The following OCLN variants were observed in gnomAD, a reference collection of about 807,000 sequenced individuals.
OCLN encodes the protein occludin, also known as phosphatase 1, regulatory subunit 115.
In OCLN, 21 loss-of-function variants were observed where a neutral mutation model predicts 47.9. The observed-to-expected ratio is 0.44, with a 90% CI of 0.31 to 0.63. OCLN has a LOEUF of 0.63. OCLN is among the 30% of genes least tolerant of loss of function. The pLI, the probability that OCLN is intolerant of heterozygous loss-of-function variation, is 0.08. For synonymous variants in OCLN, 117 were observed against 198.4 expected (o/e 0.59, Z 3.45); for missense variants, 360 against 571.0 (o/e 0.63, Z 3.77).
intron 1 of OCLN, among the ~76,000 whole-genome samples, chr5:69,496,590 A>C (rs1332162992): frequency 4.3e-5 from 6 of 137,964 alleles, no homozygotes; most frequent in Non-Finnish European, 9.2e-5. Context: ...TTTAAGATAG[A>C]TAACGGAGTC....
intron 4 of OCLN, among the ~76,000 whole-genome samples, chr5:69,520,708 GGT>G (rs1769113162): frequency 6.6e-6 from 1 of 151,916 alleles, no homozygotes; most frequent in Non-Finnish European, 1.5e-5. Context: ...TTAGAGACAG[GGT>G]GTAGCTCTGT....
At position 69,555,246 on chromosome 5, in the gene OCLN, T is replaced by G. The variant is rs1769945687; in HGVS notation, c.*1575T>G. ...ACCATGCCTGGCCTAAGTGTGTGTG[T>G]GTGTGTGTGTGTGTATTTTTTTTTT... On this transcript the variant is annotated 3_prime_UTR_variant, in exon 9 of 9. Coordinates refer to ENST00000396442, the MANE Select transcript of OCLN (RefSeq NM_001205254.2). 1 of 132,754 alleles carries G rather than the reference T, an allele frequency of 7.5e-6. No homozygotes were observed. The highest frequency in any genetic ancestry group is 7.4e-5 in the Admixed American group (1 of 13,502). 8.2% of individuals were successfully genotyped at this position (132,754 alleles called of 1,614,324 possible).
intron 5 of OCLN, among the ~76,000 whole-genome samples, chr5:69,536,706 C>T (rs1438606229): frequency 6.6e-6 from 1 of 151,392 alleles, no homozygotes; most frequent in Non-Finnish European, 1.5e-5. Flanking sequence ...CGGTGGCTCA[C>T]CCCTGTAATC....
intron 1 of OCLN, among the ~76,000 whole-genome samples, chr5:69,497,135 G>A (rs192063608): frequency 2.8e-4 from 42 of 152,268 alleles, no homozygotes; most frequent in Middle Eastern, 3.4e-3. Flanking sequence ...TGCATAAATT[G>A]CATGAGCTCA....
chr5:69,532,573 G>T (rs1203239128), intron 4 of OCLN, among the ~76,000 whole-genome samples: 1 of 151,826 alleles, frequency 6.6e-6, no homozygotes, highest in African/African-American at 2.4e-5. Flanking sequence ...GAGGTCTTTG[G>T]TTTTTTTCCA....
At chr5:69,500,978 G>T (rs575519661) in intron 1 of OCLN, among the ~76,000 whole-genome samples, 17 of 152,078 alleles carry the variant, frequency 1.1e-4, no homozygotes, top group African/African-American at 3.6e-4. Flanking sequence ...GAGTGCAGTG[G>T]CACAATCTTG....
At position 69,509,818 on chromosome 5, in the gene OCLN, A is replaced by G. The variant is rs1397387125; in HGVS notation, c.728A>G (p.Glu243Gly). 6.2e-7 allele frequency: 1 copy of G among 1,612,828 alleles called. No individual in the cohort carries two copies. The highest frequency in any genetic ancestry group is 2.2e-5 in the East Asian group (1 of 44,878). Residue 243 changes from glutamate to glycine, a missense_variant and splice_region_variant, in exon 3 of 9, where the codon GAG becomes GGG. By Grantham distance (98) the Glu-to-Gly change is moderately conservative. Coordinates refer to ENST00000396442, the MANE Select transcript of OCLN (RefSeq NM_001205254.2). ...CACTACTGTGTTGTGGATCCCCAGG[A>G]GGTATGAGTGGTGTTTTGGGTTTTT... ...LYHYCVVDPQ[E>G]AIAIVLGFMI...
At chr5:69,516,057 C>T (rs1390829561) in intron 4 of OCLN, among the ~76,000 whole-genome samples, 11 of 151,186 alleles carry the variant, frequency 7.3e-5, no homozygotes, top group East Asian at 3.9e-4. Flanking sequence ...AGACGATGGG[C>T]GGCCAGGCAG....
chr5:69,511,371 T>C (rs1050112757), intron 3 of OCLN, among the ~76,000 whole-genome samples: 2 of 151,842 alleles, frequency 1.3e-5, no homozygotes, highest in Non-Finnish European at 1.5e-5. Context: ...TGTGAGCCAC[T>C]GTGCCCGGCC....
chr5:69,521,807 T>C (rs1016402120), intron 4 of OCLN, among the ~76,000 whole-genome samples: 5 of 152,236 alleles, frequency 3.3e-5, no homozygotes, highest in South Asian at 2.1e-4. Context: ...TAAAGTTTCA[T>C]TTTCAAAATT....
chr5:69,523,406 A>G (rs1232763162), intron 4 of OCLN, among the ~76,000 whole-genome samples: 1 of 152,164 alleles, frequency 6.6e-6, no homozygotes, highest in Non-Finnish European at 1.5e-5. Context: ...TTGGTTTTAT[A>G]TTAACAGAAA....
intron 4 of OCLN, among the ~76,000 whole-genome samples, chr5:69,526,333 A>T (rs1769279085): frequency 6.6e-6 from 1 of 152,226 alleles, no homozygotes; most frequent in Non-Finnish European, 1.5e-5. Flanking sequence ...ATGGTGACTT[A>T]GTACAAAATA....
At chr5:69,502,836 T>C (rs1311176144) in intron 1 of OCLN, among the ~76,000 whole-genome samples, 3 of 152,186 alleles carry the variant, frequency 2.0e-5, no homozygotes, top group African/African-American at 7.2e-5. Flanking sequence ...CGTAGGCAGA[T>C]GACCTCCATC....
In OCLN at chr5:69,553,596, T is replaced by C; in HGVS notation, c.1494T>C (p.Asn498=). 6.2e-7 allele frequency: 1 copy of C among 1,613,922 alleles called. No individual in the cohort carries two copies. The change falls in exon 9 of 9, where the codon AAT becomes AAC. Residue 498 remains asparagine, a synonymous_variant. Coordinates refer to ENST00000396442, the MANE Select transcript of OCLN (RefSeq NM_001205254.2). The part of the protein sequence containing the change: ...KGSADYKSKK[N]HCKQLKSKLS... ...CTGCAGATTACAAAAGTAAGAAGAA[T>C]CATTGCAAGCAGTTAAAGAGCAAAT...
chr5:69,526,615 A>C (rs142931888), intron 4 of OCLN, among the ~76,000 whole-genome samples: 50 of 152,282 alleles, frequency 3.3e-4, no homozygotes, highest in African/African-American at 1.2e-3. Flanking sequence ...GGTGGTGTCA[A>C]CCTAAAGATT....
rs187827821 is a variant in OCLN at position 69,501,754 on chromosome 5, C to T, written c.-68-2423C>T. ...GTGGCTTTTAAAAATGTAGAAAAGTCATCTTCCTTCATGTCTTTGGAAAAT... is the reference window on the plus strand; with the variant it reads ...GTGGCTTTTAAAAATGTAGAAAAGTTATCTTCCTTCATGTCTTTGGAAAAT... On this transcript the variant is annotated intron_variant, in intron 1 of 8. Transcript: ENST00000396442. Among the ~76,000 whole-genome samples the T allele has an allele frequency of 2.6e-5, 4 of 152,274 alleles. No individual in the cohort carries two copies. The East Asian group carries it at 5.8e-4, about 22-fold the overall frequency.
chr5:69,510,019 G>T (rs1017239434), intron 3 of OCLN, among the ~76,000 whole-genome samples, 200 bp downstream of exon 3: 1 of 152,188 alleles, frequency 6.6e-6, no homozygotes, highest in Non-Finnish European at 1.5e-5. Context: ...TAACAGTTCA[G>T]TGGTTTTTAA....
At chr5:69,514,373 T>C (rs550789448) in intron 4 of OCLN, among the ~76,000 whole-genome samples, 10 of 152,330 alleles carry the variant, frequency 6.6e-5, no homozygotes, top group Admixed American at 5.9e-4. Context: ...CAGAAAGAAC[T>C]TGGCCTTTGC....
intron 4 of OCLN, among the ~76,000 whole-genome samples, chr5:69,522,481 TATACCATAC>T (rs1321188134): frequency 2.0e-5 from 3 of 152,192 alleles, no homozygotes; most frequent in African/African-American, 7.2e-5. Flanking sequence ...GTACAATTTA[TATACCATAC>T]ATTGTCATCA....
Sources: gnomAD v4.1 joint callset for allele counts (sites outside exome capture counted in the v4.1 genomes callset) on GRCh38, gnomAD v4.1.1 for gene constraint, MANE v1.5 for transcripts, NCBI Gene and HGNC (gene_info 2026-07-23, HGNC 2026-07-21) for gene names.